Variants in BCL2L14 observed in about 807,000 individuals in gnomAD.
BCL2L14 encodes the protein apoptosis facilitator Bcl-2-like protein 14.
A neutral mutation model predicts 35.3 loss-of-function variants in BCL2L14; 27 were observed. The observed-to-expected ratio is 0.76, with a 90% CI of 0.56 to 1.05. BCL2L14 has a LOEUF of 1.05. Ranked by LOEUF, BCL2L14 falls within the 50% of genes least tolerant of loss-of-function variation. BCL2L14 has a pLI of 0.00. For missense variants in BCL2L14, 377 were observed against 382.6 expected, an observed-to-expected ratio of 0.99 and a Z score of 0.12; for synonymous variants, 139 against 145.9, an observed-to-expected ratio of 0.95 and a Z score of 0.34.
At chr12:12,092,126 G>A (rs748007623) in intron 4 of BCL2L14, among the ~76,000 whole-genome samples, 8 of 152,138 alleles carry the variant, frequency 5.3e-5, no homozygotes, top group Admixed American at 1.3e-4. Context: ...TGGCTCTCAC[G>A]GCAACCTCCT....
chr12:12,068,473 G>A (rs1440009536), upstream of BCL2L14, among the ~76,000 whole-genome samples: 1 of 152,064 alleles, frequency 6.6e-6, no homozygotes, highest in East Asian at 1.9e-4. Context: ...CATGATCCTA[G>A]CTTGCTGCCC....
At chr12:12,078,493 C>T (rs1252290713) in intron 1 of BCL2L14, among the ~76,000 whole-genome samples, 2 of 152,248 alleles carry the variant, frequency 1.3e-5, no homozygotes, top group Non-Finnish European at 2.9e-5. Context: ...CCACCATAAT[C>T]TGGACCCAAG....
At chr12:12,078,254 A>G (rs1374010416) in intron 1 of BCL2L14, among the ~76,000 whole-genome samples, 3 of 152,214 alleles carry the variant, frequency 2.0e-5, no homozygotes, top group Non-Finnish European at 4.4e-5. Context: ...GCAAGAAAAA[A>G]GAAAGAGAGA....
chr12:12,086,056 G>A (rs1413140847), intron 2 of BCL2L14, among the ~76,000 whole-genome samples: 1 of 152,194 alleles, frequency 6.6e-6, no homozygotes, highest in Non-Finnish European at 1.5e-5. Flanking sequence ...GCTCATCCTT[G>A]TAATCCTAGC....
Position 12,092,845 on chromosome 12 carries a change from T to C in BCL2L14, c.679-1819T>C, listed in dbSNP as rs74657286. ...GGTCTGCCAAAATCTCCCAATCGCA[T>C]CTGACTCATCCCCCAGATATCCCTT... On this transcript the variant is annotated intron_variant, in intron 4 of 5. Coordinates refer to ENST00000308721, the MANE Select transcript of BCL2L14 (RefSeq NM_138723.2). 2.1e-3 allele frequency among the ~76,000 whole-genome samples: 317 copies of C among 152,290 alleles called. 10 individuals carry two copies. In the East Asian group the frequency reaches 0.053, roughly 26 times the overall value.
Position 12,094,655 on chromosome 12 carries a change from T to G in BCL2L14, c.679-9T>G, listed in dbSNP as rs763934174. 1.2e-6 allele frequency: 2 copies of G among 1,614,168 alleles called. No homozygotes were observed. The highest frequency in any genetic ancestry group is 1.7e-6 in the Non-Finnish European group (2 of 1,179,994). On this transcript the variant is annotated splice_polypyrimidine_tract_variant and intron_variant, in intron 4 of 5. Coordinates refer to ENST00000308721, the MANE Select transcript of BCL2L14 (RefSeq NM_138723.2). Reference sequence around the variant, plus strand: ...CTACTGTACTGAGTGCTTATTCTTTTGTACACAGCTGAAGAAAGATAAGGC... The same window carrying G: ...CTACTGTACTGAGTGCTTATTCTTTGGTACACAGCTGAAGAAAGATAAGGC...
At chr12:12,072,609 C>T (rs997043927) in intron 1 of BCL2L14, 2 of 152,228 alleles carry the variant, frequency 1.3e-5, no homozygotes, top group Non-Finnish European at 2.9e-5. Flanking sequence ...ATCTCCCCTC[C>T]AGGTTCTGAA....
intron 2 of BCL2L14, among the ~76,000 whole-genome samples, chr12:12,054,309 C>T (rs952817191): frequency 2.6e-5 from 4 of 152,044 alleles, no homozygotes; most frequent in Non-Finnish European, 4.4e-5. Flanking sequence ...TCGAGACCAG[C>T]CAGGCCAACA....
At chr12:12,093,549 T>C (rs1037683779) in intron 4 of BCL2L14, among the ~76,000 whole-genome samples, 1 of 152,010 alleles carries the variant, frequency 6.6e-6, no homozygotes, top group African/African-American at 2.4e-5. Flanking sequence ...TCCCAGCACT[T>C]TGGGAGGCCG....
intron 1 of BCL2L14, among the ~76,000 whole-genome samples, chr12:12,075,550 C>T (rs369978075): frequency 6.6e-6 from 1 of 152,040 alleles, no homozygotes; most frequent in African/African-American, 2.4e-5. Context: ...CTCAGCCTCC[C>T]GAGTAGCTGG....
At chr12:12,094,964 A>G in intron 5 of BCL2L14, 34 bp downstream of exon 5, 1 of 1,587,866 alleles carries the variant, frequency 6.3e-7, no homozygotes, top group Non-Finnish European at 8.5e-7. Context: ...AAATTTTCTC[A>G]GAACTCAGAA....
chr12:12,090,457 TG>T (rs57578768), intron 3 of BCL2L14, among the ~76,000 whole-genome samples: 28,899 of 151,804 alleles, frequency 0.19, 2,892 homozygotes, highest in Middle Eastern at 0.33. Flanking sequence ...TGGTGAAACC[TG>T]GGTTTCTAGT....
At chr12:12,065,182 G>A (rs566513087) in intron 2 of BCL2L14, among the ~76,000 whole-genome samples, 15 of 152,276 alleles carry the variant, frequency 9.9e-5, no homozygotes, top group Non-Finnish European at 1.3e-4. Context: ...ACTCAAAGGA[G>A]TGGTCAGAAA....
At chr12:12,069,565 A>G (rs764945636), upstream of BCL2L14, among the ~76,000 whole-genome samples, 101 of 151,236 alleles carry the variant, frequency 6.7e-4, no homozygotes, top group Middle Eastern at 3.4e-3. Context: ...AAAATTATCC[A>G]GGCTTGGTGG....
At chr12:12,063,304 A>G (rs976299544) in intron 2 of BCL2L14, among the ~76,000 whole-genome samples, 1 of 151,330 alleles carries the variant, frequency 6.6e-6, no homozygotes, top group African/African-American at 2.4e-5. Context: ...TGCTGGCAGG[A>G]CTATGCTGAA....
In BCL2L14 at chr12:12,091,904, T is replaced by C. The variant is rs552323711; in HGVS notation, c.678+1055T>C. On this transcript the variant is annotated intron_variant, in intron 4 of 5. Coordinates refer to ENST00000308721, the MANE Select transcript of BCL2L14 (RefSeq NM_138723.2). ...ACAAATTATGCCTAGTATGGGGTGA[T>C]TGATTTCTCCTTATGGTAAGAATGA... 7.2e-5 allele frequency among the ~76,000 whole-genome samples: 11 copies of C among 152,274 alleles called. No homozygotes were observed. In the South Asian group the frequency reaches 1.0e-3, roughly 14 times the overall value.
intron 5 of BCL2L14, chr12:12,095,747 C>T (rs1367001963): frequency 1.3e-5 from 13 of 985,262 alleles, no homozygotes; most frequent in Non-Finnish European, 1.6e-5. Context: ...ACCCTGGGAC[C>T]TCCACACAGC....
Position 12,079,375 on chromosome 12 carries a change from T to C in BCL2L14, c.70T>C (p.Phe24Leu), listed in dbSNP as rs1227212211. 1.2e-6 allele frequency: 2 copies of C among 1,614,010 alleles called. No homozygotes were observed. Among genetic ancestry groups the C allele is most frequent in the Admixed American group, 3.3e-5 (2 of 59,984 alleles). ...TGATGATGACCTAAACACCATAGAA[T>C]TCAAAATCCTCGCCTACTACACCAG... The part of the protein sequence containing the change: ...LDDDDLNTIE[F>L]KILAYYTRHH... Residue 24 changes from phenylalanine (F) to leucine (L), a missense_variant, in exon 2 of 6, where the codon TTC (phenylalanine) becomes CTC (leucine). Transcript: ENST00000308721.
chr12:12,083,119 C>T (rs1461885867), intron 2 of BCL2L14, among the ~76,000 whole-genome samples: 1 of 152,118 alleles, frequency 6.6e-6, no homozygotes, highest in East Asian at 1.9e-4. Context: ...CGCCCACCAC[C>T]ACGCCCGGCT....
Sources: gnomAD v4.1 joint callset for allele counts (sites outside exome capture counted in the v4.1 genomes callset) on GRCh38, gnomAD v4.1.1 for gene constraint, MANE v1.5 for transcripts, NCBI Gene and HGNC (gene_info 2026-07-23, HGNC 2026-07-21) for gene names.